Variants in PDE2A observed in about 807,000 individuals in gnomAD.
PDE2A encodes the protein phosphodiesterase 2A, also known as cGMP-dependent 3',5'-cyclic phosphodiesterase.
A neutral mutation model predicts 133.6 loss-of-function variants in PDE2A; 53 were observed. That is an observed-to-expected ratio of 0.40 (90% CI 0.32 to 0.50). PDE2A has a LOEUF of 0.50. Among genes scored for constraint, PDE2A ranks in the 20% least tolerant of loss-of-function variants. PDE2A has a pLI of 0.73. For missense variants in PDE2A, 796 were observed against 1,232.4 expected (o/e 0.65, Z 5.30); for synonymous variants, 491 against 490.2 (o/e 1.00, Z -0.02).
intron 2 of PDE2A, among the ~76,000 whole-genome samples, chr11:72,614,253 G>A (rs757656002): frequency 3.7e-4 from 57 of 152,350 alleles, no homozygotes; most frequent in Admixed American, 2.7e-3. Context: ...CTGTGAGTGC[G>A]AAGATCTTGC....
intron 2 of PDE2A, among the ~76,000 whole-genome samples, chr11:72,624,664 C>T (rs139033790): frequency 6.6e-6 from 1 of 152,378 alleles, no homozygotes; most frequent in Non-Finnish European, 1.5e-5. Context: ...CATGTGCTCA[C>T]TGTCACTTTC....
chr11:72,632,455 G>A (rs1858454521), intron 2 of PDE2A, among the ~76,000 whole-genome samples: 1 of 152,126 alleles, frequency 6.6e-6, no homozygotes, highest in South Asian at 2.1e-4. Flanking sequence ...GTGTGTCTGG[G>A]CCTCTATGAG....
At chr11:72,670,513 A>G (rs1220357353) in intron 1 of PDE2A, among the ~76,000 whole-genome samples, 1 of 150,994 alleles carries the variant, frequency 6.6e-6, no homozygotes, top group African/African-American at 2.4e-5. Context: ...CTCTCATAAA[A>G]CCAAGAGACT....
Position 72,634,207 on chromosome 11 carries a change from C to T in PDE2A, c.144+8047G>A, listed in dbSNP as rs192768825. ...GGTGGCAGAGTCACGACAGGAGGGCCCGGGGAGGCACACTTCTGGCCTGCA... is the reference window on the plus strand; with the variant it reads ...GGTGGCAGAGTCACGACAGGAGGGCTCGGGGAGGCACACTTCTGGCCTGCA... On this transcript the variant is annotated intron_variant, in intron 2 of 30. Coordinates refer to ENST00000334456, the MANE Select transcript of PDE2A (RefSeq NM_002599.5). Among the ~76,000 whole-genome samples, 14 of 152,130 alleles carry T rather than the reference C, an allele frequency of 9.2e-5. No homozygotes were observed. In the East Asian group the frequency reaches 2.7e-3, roughly 30 times the overall value.
intron 2 of PDE2A, 124 bp downstream of exon 2, chr11:72,642,130 A>T (rs1333639242): frequency 4.7e-6 from 6 of 1,278,474 alleles, no homozygotes; most frequent in Non-Finnish European, 6.0e-6. Context: ...GTCCCAGCAC[A>T]GGAGTAGAAT....
intron 2 of PDE2A, among the ~76,000 whole-genome samples, chr11:72,637,924 T>C (rs1026301025): frequency 1.5e-4 from 23 of 151,874 alleles, no homozygotes; most frequent in Non-Finnish European, 3.2e-4. Context: ...GCAGAAGGAG[T>C]AAAGAAGACT....
intron 1 of PDE2A, among the ~76,000 whole-genome samples, chr11:72,642,776 C>G (rs1484234258): frequency 6.8e-6 from 1 of 146,912 alleles, no homozygotes; most frequent in Non-Finnish European, 1.5e-5. Context: ...GTCCGGGGCC[C>G]GGCCAGAGCC....
intron 4 of PDE2A, among the ~76,000 whole-genome samples, chr11:72,599,705 G>C (rs772804438): frequency 1.3e-5 from 2 of 152,188 alleles, no homozygotes; most frequent in Non-Finnish European, 2.9e-5. Flanking sequence ...GAAAAACCTC[G>C]GGGAGCATTC....
At chr11:72,651,705 C>G (rs1036913178) in intron 1 of PDE2A, among the ~76,000 whole-genome samples, 3 of 152,234 alleles carry the variant, frequency 2.0e-5, no homozygotes, top group African/African-American at 7.2e-5. Context: ...GCTTGTTGTC[C>G]TTATGCCCCA....
chr11:72,633,202 C>T (rs900653733), intron 2 of PDE2A, among the ~76,000 whole-genome samples: 1 of 138,394 alleles, frequency 7.2e-6, no homozygotes, highest in South Asian at 2.3e-4. Flanking sequence ...CAGGCCAGGG[C>T]TGTGTCCAAG....
chr11:72,645,086 T>C (rs1859096802), intron 1 of PDE2A, among the ~76,000 whole-genome samples: 1 of 152,218 alleles, frequency 6.6e-6, no homozygotes, highest in Admixed American at 6.5e-5. Flanking sequence ...TACTTGAATC[T>C]CTCAAACTAC....
chr11:72,623,647 A>C (rs1857898492), intron 2 of PDE2A, among the ~76,000 whole-genome samples: 1 of 150,538 alleles, frequency 6.6e-6, no homozygotes, highest in African/African-American at 2.4e-5. Flanking sequence ...ACTAGTGCTG[A>C]CCCTCCCCCT....
chr11:72,637,686 G>C (rs1159889122), intron 2 of PDE2A, among the ~76,000 whole-genome samples: 2 of 152,236 alleles, frequency 1.3e-5, no homozygotes, highest in Non-Finnish European at 2.9e-5. Flanking sequence ...TGCAATGAGG[G>C]GGACTCAGTG....
intron 1 of PDE2A, among the ~76,000 whole-genome samples, chr11:72,645,505 G>A (rs889684465): frequency 2.6e-5 from 4 of 152,142 alleles, no homozygotes; most frequent in Non-Finnish European, 5.9e-5. Flanking sequence ...CCACTCACAC[G>A]CAGATCCCTA....
chr11:72,598,454 C>T (rs949882237), intron 4 of PDE2A: 4 of 1,242,458 alleles, frequency 3.2e-6, no homozygotes, highest in Non-Finnish European at 4.2e-6. Context: ...TGTCCCACCA[C>T]ACAACCCACC....
intron 6 of PDE2A, 105 bp downstream of exon 6, chr11:72,596,482 TCTCACA>T (rs1565159242): frequency 2.4e-4 from 52 of 217,098 alleles, no homozygotes; most frequent in Middle Eastern, 2.3e-3. Context: ...TCTCTCTCTC[TCTCACA>T]CACACACACA....
At chr11:72,631,102 T>A in intron 2 of PDE2A, 1 of 1,489,966 alleles carries the variant, frequency 6.7e-7, no homozygotes, top group Non-Finnish European at 9.0e-7. Context: ...CTCTACTCCC[T>A]GGGGGTCCTG....
At chr11:72,601,527 C>A (rs926458952) in intron 4 of PDE2A, among the ~76,000 whole-genome samples, 2 of 151,958 alleles carry the variant, frequency 1.3e-5, no homozygotes, top group Non-Finnish European at 2.9e-5. Context: ...TAGGGATGGG[C>A]CCTGGGGACC....
At chr11:72,585,628 G>T in intron 14 of PDE2A, 35 bp from the exon 15 acceptor site, 1 of 1,600,802 alleles carries the variant, frequency 6.2e-7, no homozygotes, top group Non-Finnish European at 8.5e-7. Flanking sequence ...TAGGGGGGTC[G>T]GGGTGTAGGG....
Sources: gnomAD v4.1 joint callset for allele counts (sites outside exome capture counted in the v4.1 genomes callset) on GRCh38, gnomAD v4.1.1 for gene constraint, MANE v1.5 for transcripts, NCBI Gene and HGNC (gene_info 2026-07-23, HGNC 2026-07-21) for gene names.